Variants in CCDC14 observed in about 807,000 individuals in gnomAD.
The protein encoded by CCDC14 is coiled-coil domain-containing protein 14.
CCDC14 carries 71 observed loss-of-function variants against 81.4 expected under a neutral mutation model. That is an observed-to-expected ratio of 0.87 (90% CI 0.72 to 1.06). The LOEUF is 1.06. Among genes scored for constraint, CCDC14 ranks in the 50% least tolerant of loss-of-function variants. The probability of loss-of-function intolerance (pLI) is 0.00; values close to 1 mark genes in which losing one functional copy is unlikely to be tolerated. For synonymous variants in CCDC14, 332 were observed against 364.8 expected (o/e 0.91, Z 1.03); for missense variants, 1,046 against 1,047.3 (o/e 1.00, Z 0.02).
intron 12 of CCDC14, among the ~76,000 whole-genome samples, chr3:123,922,684 C>T (rs908262336): frequency 9.2e-5 from 14 of 152,006 alleles, no homozygotes; most frequent in African/African-American, 3.4e-4. Flanking sequence ...CTGAGCAGAC[C>T]AATAATGAGT....
At chr3:123,921,063 A>G (rs2035015867) in intron 12 of CCDC14, among the ~76,000 whole-genome samples, 1 of 152,220 alleles carries the variant, frequency 6.6e-6, no homozygotes, top group African/African-American at 2.4e-5. Context: ...TGCACAAAAC[A>G]TGAAAAGGAT....
chr3:123,901,921 T>G (rs1474030807), intron 5 of CCDC14, among the ~76,000 whole-genome samples: 1 of 152,078 alleles, frequency 6.6e-6, no homozygotes, highest in Non-Finnish European at 1.5e-5. Context: ...TGATTCAAGT[T>G]CACTAGAAAT....
At position 123,944,841 on chromosome 3, in the gene CCDC14, A is replaced by C; in HGVS notation, c.1343+8T>G. On this transcript the variant is annotated splice_region_variant and intron_variant, in intron 9 of 12. Transcript: ENST00000409697. ...TACAGACAAAAATATTCAAAGAGCA[A>C]TTCTTACCTTCGTAACTGAGCATTC... 6.2e-7 allele frequency: 1 copy of C among 1,601,722 alleles called. No individual in the cohort carries two copies. Among genetic ancestry groups the C allele is most frequent in the Non-Finnish European group, 8.5e-7 (1 of 1,171,732 alleles).
chr3:123,891,395 C>G, the CCDC14 span, among the ~76,000 whole-genome samples: 6 of 152,246 alleles, frequency 3.9e-5, no homozygotes, highest in Admixed American at 2.0e-4. Context: ...CTTTTATGCT[C>G]TGCCTCCCTT....
intron 7 of CCDC14, 35 bp downstream of exon 7, chr3:123,948,656 A>G (rs1394357879): frequency 6.1e-6 from 9 of 1,477,584 alleles, no homozygotes; most frequent in Non-Finnish European, 8.3e-6. Flanking sequence ...GCTATAAGCA[A>G]ATAGTTACTT....
chr3:123,909,059 T>C (rs1039192910), downstream of CCDC14, among the ~76,000 whole-genome samples: 3 of 152,104 alleles, frequency 2.0e-5, no homozygotes, highest in African/African-American at 7.2e-5. Flanking sequence ...TCAAACAAAC[T>C]ACTACCCTCC....
chr3:123,956,216 T>C, intron 3 of CCDC14, 101 bp from the exon 4 acceptor site: 1 of 1,298,724 alleles, frequency 7.7e-7, no homozygotes, highest in South Asian at 1.4e-5. Flanking sequence ...TTACAAACTA[T>C]TATTGGTAGA....
At chr3:123,888,133 A>G in the CCDC14 span, among the ~76,000 whole-genome samples, 1 of 152,072 alleles carries the variant, frequency 6.6e-6, no homozygotes, top group South Asian at 2.1e-4. Flanking sequence ...GAGTTTCTCT[A>G]ATTCTGATGT....
chr3:123,886,151 TTC>T, the CCDC14 span, among the ~76,000 whole-genome samples: 35 of 150,118 alleles, frequency 2.3e-4, no homozygotes, highest in East Asian at 7.8e-4. Context: ...CTTTTTTTTT[TTC>T]TCTCTCTCTC....
downstream of CCDC14, among the ~76,000 whole-genome samples, chr3:123,909,182 AGGATGGTG>A (rs2034387230): frequency 1.3e-5 from 2 of 152,136 alleles, no homozygotes; most frequent in Admixed American, 1.3e-4. Context: ...TAATCTGGAA[AGGATGGTG>A]GGATGAAAAT....
At chr3:123,956,500 C>A in intron 2 of CCDC14, 73 bp from the exon 3 acceptor site, 2 of 1,093,600 alleles carry the variant, frequency 1.8e-6, no homozygotes, top group South Asian at 1.5e-5. Flanking sequence ...CATTTTCTTT[C>A]CAGCAAAGAC....
In CCDC14 at chr3:123,897,549, C is replaced by T. The variant is rs930155564; in HGVS notation, c.733G>A (p.Glu245Lys). Reference sequence around the variant, plus strand: ...AGAGCAGTTCTGCTTTTCCGTAGTTCATGTACTGTATTGGGCTTTTGTGTA... The same window carrying T: ...AGAGCAGTTCTGCTTTTCCGTAGTTTATGTACTGTATTGGGCTTTTGTGTA... Residue 245 changes from glutamate to lysine, a missense_variant, in exon 6 of 6, where the codon GAA (glutamate) becomes AAA (lysine). Coordinates refer to the CCDC14 transcript ENST00000479903. 4 of 1,080,690 alleles carry T rather than the reference C, an allele frequency of 3.7e-6. No homozygotes were observed. The African/African-American group carries it at 6.5e-5, about 18-fold the overall frequency. 66.9% of individuals were successfully genotyped at this position (1,080,690 alleles called of 1,614,324 possible).
chr3:123,931,073 A>C (rs766472473), intron 12 of CCDC14, 29 bp downstream of exon 12: 1 of 1,533,380 alleles, frequency 6.5e-7, no homozygotes, highest in South Asian at 1.3e-5. Flanking sequence ...TAAAAAAGGC[A>C]TGAGTTATTC....
At chr3:123,903,408 T>C (rs1262318433) in intron 5 of CCDC14, among the ~76,000 whole-genome samples, 2 of 152,152 alleles carry the variant, frequency 1.3e-5, no homozygotes, top group Non-Finnish European at 2.9e-5. Flanking sequence ...CACACATTTA[T>C]AGCAGAAGTG....
At chr3:123,956,285 T>G in intron 3 of CCDC14, 70 bp downstream of exon 3, 1 of 1,315,980 alleles carries the variant, frequency 7.6e-7, no homozygotes, top group South Asian at 1.4e-5. Context: ...ACTTTGCATT[T>G]TATTCCTACT....
chr3:123,899,868 T>A (rs1293104373), intron 5 of CCDC14, among the ~76,000 whole-genome samples: 1 of 152,238 alleles, frequency 6.6e-6, no homozygotes, highest in Non-Finnish European at 1.5e-5. Context: ...ACCTCACTAT[T>A]TTCTGAACAT....
chr3:123,952,710 A>G, intron 5 of CCDC14: 1 of 441,216 alleles, frequency 2.3e-6, no homozygotes, highest in Non-Finnish European at 5.0e-6. Flanking sequence ...TAGCAAGATA[A>G]TGTGTGTTAA....
At chr3:123,918,571 AC>A (rs1339867500) in intron 12 of CCDC14, among the ~76,000 whole-genome samples, 5 of 152,176 alleles carry the variant, frequency 3.3e-5, no homozygotes, top group Admixed American at 2.0e-4. Flanking sequence ...GTTAAAAGGA[AC>A]AGTTTCACCC....
At chr3:123,930,622 G>T (rs1017653123) in intron 12 of CCDC14, 3 of 152,526 alleles carry the variant, frequency 2.0e-5, no homozygotes, top group African/African-American at 7.2e-5. Flanking sequence ...AATGCTGAAA[G>T]AGGCTGACTT....
Sources: allele counts gnomAD v4.1 joint callset (sites outside exome capture counted in the v4.1 genomes callset), GRCh38; gene constraint gnomAD v4.1.1; transcripts MANE v1.5; gene names NCBI Gene and HGNC (gene_info 2026-07-23, HGNC 2026-07-21).